FGD3: variants seen among roughly 807,000 people sequenced by gnomAD.
FGD3 encodes FYVE, RhoGEF and PH domain containing 3, also known as FYVE, RhoGEF and PH domain-containing protein 3.
A neutral mutation model predicts 71.8 loss-of-function variants in FGD3; 45 were observed. The ratio of observed to expected loss-of-function variants is 0.63; its 90% confidence interval spans 0.49 to 0.80. FGD3 has a LOEUF of 0.80. FGD3 is among the 30% of genes least tolerant of loss of function. FGD3 has a pLI of 0.00. For synonymous variants in FGD3, 378 were observed against 392.8 expected, an observed-to-expected ratio of 0.96 and a Z score of 0.44; for missense variants, 844 against 951.5, an observed-to-expected ratio of 0.89 and a Z score of 1.49.
intron 15 of FGD3, among the ~76,000 whole-genome samples, chr9:93,031,119 A>T (rs544731841): frequency 4.1e-4 from 63 of 152,166 alleles, no homozygotes; most frequent in African/African-American, 1.4e-3. Context: ...TGGATGATGG[A>T]TGGATGAATG....
rs796091908 is a variant in FGD3, at chr9:93,030,842, G to GTGGA, written c.1680+857_1680+860dup. 3.7e-3 allele frequency among the ~76,000 whole-genome samples: 570 copies of GTGGA among 152,184 alleles called. 11 individuals carry two copies. The highest frequency in any genetic ancestry group is 0.013 in the African/African-American group (545 of 41,518). On this transcript the variant is annotated intron_variant, in intron 15 of 17. Coordinates refer to ENST00000375482, the MANE Select transcript of FGD3 (RefSeq NM_001083536.2). ...GGTGTATCAATAGGTAGATGGATGC[G>GTGGA]TGGATGGATGGATGAGGGGATGGAT... is the stretch of plus-strand genomic sequence containing the variant.
At chr9:92,968,794 G>A (rs1859430510) in intron 1 of FGD3, among the ~76,000 whole-genome samples, 1 of 151,998 alleles carries the variant, frequency 6.6e-6, no homozygotes, top group South Asian at 2.1e-4. Context: ...TAGAGATGGG[G>A]TTTCACCATA....
rs528589878 is a variant in FGD3 at position 93,029,814 on chromosome 9, G to A, written c.1558-60G>A. 1.3e-5 allele frequency: 20 copies of A among 1,575,810 alleles called. No individual in the cohort carries two copies. In the East Asian group the frequency reaches 2.8e-4, roughly 22 times the overall value. On this transcript the variant is annotated intron_variant, in intron 14 of 17. Coordinates refer to ENST00000375482, the MANE Select transcript of FGD3 (RefSeq NM_001083536.2). ...TCACGAGAGCTGCCACTCCACTGCC[G>A]TGTGGGGTAGGGTGCACACATGATT...
chr9:93,027,294 C>T (rs1022483122), intron 14 of FGD3, among the ~76,000 whole-genome samples: 1 of 152,228 alleles, frequency 6.6e-6, no homozygotes, highest in African/African-American at 2.4e-5. Flanking sequence ...CACAGAGGCA[C>T]TGGTGTCAGT....
rs1159261366 is a variant in FGD3, at chr9:93,011,255, G to C, written c.1018G>C (p.Ala340Pro). 6.2e-7 allele frequency: 1 copy of C among 1,614,184 alleles called. No individual in the cohort carries two copies. The highest frequency in any genetic ancestry group is 8.5e-7 in the Non-Finnish European group (1 of 1,180,010). The change falls in exon 8 of 18, where the codon GCT (alanine) becomes CCT (proline). Residue 340 changes from alanine to proline, a missense_variant. Ala to Pro is a conservative substitution (Grantham distance 27). Coordinates refer to ENST00000375482, the MANE Select transcript of FGD3 (RefSeq NM_001083536.2). Reference protein sequence around the residue: ...LISTAANHSNAAIRKVEKMHK... With the variant: ...LISTAANHSNPAIRKVEKMHK... ...CTCCACAGCCGCCAACCACTCCAAT[G>C]CTGCCATTCGGAAAGTGGTGAGTGT...
intron 3 of FGD3, among the ~76,000 whole-genome samples, chr9:92,996,888 T>G (rs563602739): frequency 1.2e-4 from 18 of 152,360 alleles, no homozygotes; most frequent in African/African-American, 4.3e-4. Flanking sequence ...AAGAGTGCTT[T>G]ACTTCCAACT....
intron 3 of FGD3, among the ~76,000 whole-genome samples, chr9:92,998,333 G>C (rs1386370415): frequency 6.6e-6 from 1 of 152,084 alleles, no homozygotes; most frequent in African/African-American, 2.4e-5. Flanking sequence ...GTCATTTAAG[G>C]ACTTCTCTAC....
At chr9:93,004,242 C>A in intron 5 of FGD3, 105 bp downstream of exon 5, 1 of 1,449,608 alleles carries the variant, frequency 6.9e-7, no homozygotes, top group South Asian at 1.2e-5. Flanking sequence ...CTCATGGTGG[C>A]TGGGCGCCTC....
intron 7 of FGD3, 131 bp from the exon 8 acceptor site, chr9:93,011,083 G>A: frequency 1.1e-6 from 1 of 922,220 alleles, no homozygotes; most frequent in Non-Finnish European, 1.8e-6. Context: ...CTCTAGAGTA[G>A]CCCAGGCACC....
chr9:93,020,308 T>C lies in FGD3; in HGVS notation c.1387-9T>C. ...TTTATAGTCCTCACTGTTGTGTTGC[T>C]GTGTCCAGATCATCCAGGCCACCAT... is the stretch of plus-strand genomic sequence containing the variant. On this transcript the variant is annotated splice_polypyrimidine_tract_variant and intron_variant, in intron 12 of 17. Transcript: ENST00000375482. 6.2e-7 allele frequency: 1 copy of C among 1,607,814 alleles called. No individual in the cohort carries two copies. The highest frequency in any genetic ancestry group is 1.1e-5 in the South Asian group (1 of 90,856).
At chr9:92,994,906 A>G (rs1860570007) in intron 3 of FGD3, among the ~76,000 whole-genome samples, 1 of 152,182 alleles carries the variant, frequency 6.6e-6, no homozygotes, top group Non-Finnish European at 1.5e-5. Flanking sequence ...GTCGGGTAGC[A>G]TGATGCCTCC....
In FGD3 at chr9:93,022,359, G is replaced by T; in HGVS notation, c.1527G>T (p.Val509=). Residue 509 remains valine, a synonymous_variant, in exon 14 of 18, where the codon GTG becomes GTT. Transcript: ENST00000375482. ...ITSTSPVEPV[V]TTEGSSGAAG... is the part of the protein sequence containing the mutation. ...GCACCAGCCCTGTGGAGCCTGTGGT[G>T]ACCACCGAAGGCAGTTCGGGTGCAG... 6.2e-7 allele frequency: 1 copy of T among 1,612,574 alleles called. No homozygotes were observed. The highest frequency in any genetic ancestry group is 1.1e-5 in the South Asian group (1 of 91,044).
chr9:92,976,201 C>A lies in FGD3; in HGVS notation c.-49-7C>A. 1.4e-6 allele frequency: 2 copies of A among 1,439,424 alleles called. No individual in the cohort carries two copies. The highest frequency in any genetic ancestry group is 2.8e-5 in the South Asian group (2 of 70,228). 89.2% of individuals were successfully genotyped at this position (1,439,424 alleles called of 1,614,324 possible). A position where few individuals can be genotyped will look rare whatever the true frequency, so the allele number is the denominator to read the frequency against. Reference sequence around the variant, plus strand: ...AGCACTGACTCTGGCTTGTTTCTCCCCTACAGGAAGCCCCTGGCCAGCCTC... The same window carrying A: ...AGCACTGACTCTGGCTTGTTTCTCCACTACAGGAAGCCCCTGGCCAGCCTC... On this transcript the variant is annotated splice_polypyrimidine_tract_variant and splice_region_variant and intron_variant, in intron 2 of 17. Coordinates refer to ENST00000375482, the MANE Select transcript of FGD3 (RefSeq NM_001083536.2).
intron 1 of FGD3, among the ~76,000 whole-genome samples, chr9:92,948,072 G>A (rs561100496): frequency 6.6e-6 from 1 of 152,160 alleles, no homozygotes; most frequent in East Asian, 1.9e-4. Context: ...ACTGTGATGA[G>A]ACCTGTTTTA....
rs923796590 is a variant in FGD3 at position 93,003,404 on chromosome 9, C to G, written c.543+390C>G. ...TCGGCCTCCCAAAGTCCTGGGATTA[C>G]AGGCGTGAGCCACCACGCCCGTCCT... On this transcript the variant is annotated intron_variant, in intron 4 of 17. Coordinates refer to ENST00000375482, the MANE Select transcript of FGD3 (RefSeq NM_001083536.2). The surrounding 1 kb of genome is among the most constrained non-coding windows in gnomAD (Gnocchi z 4.1). 6.6e-6 allele frequency among the ~76,000 whole-genome samples: 1 copy of G among 152,246 alleles called. No homozygotes were observed. Among genetic ancestry groups the G allele is most frequent in the East Asian group, 1.9e-4 (1 of 5,192 alleles).
chr9:92,950,091 G>T (rs1182919229), intron 1 of FGD3, among the ~76,000 whole-genome samples: 1 of 150,070 alleles, frequency 6.7e-6, no homozygotes, highest in Non-Finnish European at 1.5e-5. Context: ...TTCCAGGAAG[G>T]ATCTGGTTCA....
chr9:92,959,676 C>T (rs998173242), intron 1 of FGD3, among the ~76,000 whole-genome samples: 1 of 134,500 alleles, frequency 7.4e-6, no homozygotes, highest in Admixed American at 8.4e-5. Context: ...CAGTGCATTT[C>T]AGCCTGGGCA....
chr9:92,950,223 C>A (rs1037542669), intron 1 of FGD3, among the ~76,000 whole-genome samples: 3 of 152,034 alleles, frequency 2.0e-5, no homozygotes, highest in Non-Finnish European at 2.9e-5. Context: ...CGAGACCATC[C>A]TGGCTAAGAC....
intron 3 of FGD3, among the ~76,000 whole-genome samples, chr9:92,980,879 G>C (rs1478574405): frequency 1.3e-5 from 2 of 151,036 alleles, no homozygotes; most frequent in Non-Finnish European, 2.9e-5. Flanking sequence ...GCTGAGGCAG[G>C]AGAATTGCTT....
Sources: allele counts gnomAD v4.1 joint callset (sites outside exome capture counted in the v4.1 genomes callset), GRCh38; gene constraint gnomAD v4.1.1; non-coding constraint Gnocchi (gnomAD v3.1); transcripts MANE v1.5; gene names NCBI Gene and HGNC (gene_info 2026-07-23, HGNC 2026-07-21).